The following LTBP1 variants were observed in gnomAD, a reference collection of about 807,000 sequenced individuals.
LTBP1 encodes the protein latent transforming growth factor beta binding protein 1.
In LTBP1, 129 loss-of-function variants were observed where a neutral mutation model predicts 207.6. That is an observed-to-expected ratio of 0.62 (90% CI 0.54 to 0.72). The LOEUF (loss-of-function observed/expected upper bound fraction) is 0.72. Among genes scored for constraint, LTBP1 ranks in the 30% least tolerant of loss-of-function variants. The pLI is 0.00. For synonymous variants in LTBP1, 963 were observed against 833.7 expected (o/e 1.16, Z -2.67); for missense variants, 2,281 against 2,217.2 (o/e 1.03, Z -0.58).
intron 4 of LTBP1, among the ~76,000 whole-genome samples, chr2:33,116,474 A>G (rs906127109): frequency 1.3e-5 from 2 of 152,244 alleles, no homozygotes; most frequent in African/African-American, 2.4e-5. Context: ...TCTTAAAAAA[A>G]TGTACCAATT....
chr2:33,357,189 C>T (rs532692057), intron 26 of LTBP1, among the ~76,000 whole-genome samples: 13 of 152,122 alleles, frequency 8.5e-5, no homozygotes, highest in Non-Finnish European at 1.8e-4. Flanking sequence ...AAGCAAATGG[C>T]CCACACCCTC....
chr2:33,170,221 G>A (rs113858037), intron 5 of LTBP1, among the ~76,000 whole-genome samples: 6 of 152,188 alleles, frequency 3.9e-5, no homozygotes, highest in South Asian at 2.1e-4. Flanking sequence ...CTCGGGAAGC[G>A]CAAGGGGTCA....
intron 10 of LTBP1, among the ~76,000 whole-genome samples, chr2:33,251,833 C>T (rs897833424): frequency 2.0e-5 from 3 of 152,052 alleles, no homozygotes; most frequent in Non-Finnish European, 1.5e-5. Context: ...TGACCTGGAC[C>T]TGGTTCTGTA....
chr2:33,181,243 C>T (rs1005792670), intron 5 of LTBP1, among the ~76,000 whole-genome samples: 3 of 152,120 alleles, frequency 2.0e-5, no homozygotes, highest in African/African-American at 7.2e-5. Context: ...CAGGGTCTGC[C>T]TTTTTATGGT....
chr2:33,224,817 C>T (rs79937228), intron 9 of LTBP1, among the ~76,000 whole-genome samples: 4,890 of 152,190 alleles, frequency 0.032, 103 homozygotes, highest in Non-Finnish European at 0.05. Context: ...TTGAATTAGG[C>T]TTGCCAGTGG....
intron 18 of LTBP1, among the ~76,000 whole-genome samples, chr2:33,278,616 T>G (rs2093495326): frequency 6.6e-6 from 1 of 152,208 alleles, no homozygotes; most frequent in Non-Finnish European, 1.5e-5. Context: ...TGAGAGCAGG[T>G]AGAAATTCAG....
rs910711706 is a variant in LTBP1, at chr2:33,274,812, C to T, written c.2744-153C>T. Among the ~76,000 whole-genome samples the T allele has an allele frequency of 3.9e-5, 6 of 152,154 alleles. 1 individual carries two copies. Among genetic ancestry groups the T allele is most frequent in the East Asian group, 3.9e-4 (2 of 5,194 alleles). ...TCTTCCAGGAACAATCCTTCAAGTA[C>T]GCGAGGAGAAAGATCGTGTCTCCTT... On this transcript the variant is annotated intron_variant, in intron 16 of 33. Coordinates refer to ENST00000404816, the MANE Select transcript of LTBP1 (RefSeq NM_206943.4).
intron 10 of LTBP1, among the ~76,000 whole-genome samples, chr2:33,248,013 A>G (rs2092565035): frequency 6.6e-6 from 1 of 152,190 alleles, no homozygotes; most frequent in Non-Finnish European, 1.5e-5. Context: ...TCAAAGGATG[A>G]CATTTAGTCT....
At chr2:33,255,478 C>G (rs907130654) in intron 11 of LTBP1, among the ~76,000 whole-genome samples, 1 of 152,260 alleles carries the variant, frequency 6.6e-6, no homozygotes, top group South Asian at 2.1e-4. Flanking sequence ...CATCCCATTA[C>G]TGGATATATA....
intron 2 of LTBP1, among the ~76,000 whole-genome samples, chr2:32,971,036 GTGTGTGTC>G (rs1466618102): frequency 1.9e-4 from 28 of 149,500 alleles, no homozygotes; most frequent in Middle Eastern, 3.4e-3. Context: ...GTGTGTGTGT[GTGTGTGTC>G]TGTCTGTCTT....
rs751149509 is a variant in LTBP1 at position 33,275,896 on chromosome 2, C to T, written c.2965C>T (p.Arg989Cys). The T allele has an allele frequency of 1.1e-5, 18 of 1,603,650 alleles. No individual in the cohort carries two copies. In the South Asian group the frequency reaches 1.1e-4, roughly 10 times the overall value. ...GTGTGAATACTGTGACAGCGGGTAC[C>T]GCATGACTCAGAGAGGCCGTTGTGA... ...FRCEYCDSGY[R>C]MTQRGRCEDI... The change falls in exon 18 of 34, where the codon CGC becomes TGC. Residue 989 changes from arginine (R) to cysteine (C), a missense_variant. Physicochemically the swap from Arg to Cys is radical, Grantham distance 180. Around this residue, in one of 3 missense-constraint regions of LTBP1, gnomAD observed 1,671 missense variants for 1,634.8 expected, o/e 1.02. Transcript: ENST00000404816.
rs114398190 is a variant in LTBP1, at chr2:33,290,217, C to G, written c.3113-2943C>G. On this transcript the variant is annotated intron_variant, in intron 19 of 33. Transcript: ENST00000404816. ...TCTCGAGAGAAAGACATTCATCTAT[C>G]TTAATGAACTAATCACCTCTTAAAA... Among the ~76,000 whole-genome samples the G allele has an allele frequency of 9.6e-3, 1,470 of 152,360 alleles. 29 individuals carry two copies. Among genetic ancestry groups the G allele is most frequent in the African/African-American group, 0.034 (1,398 of 41,580 alleles).
At chr2:33,266,537 G>A (rs1055236751) in intron 15 of LTBP1, among the ~76,000 whole-genome samples, 1 of 152,076 alleles carries the variant, frequency 6.6e-6, no homozygotes, top group African/African-American at 2.4e-5. Context: ...TAACAGTTTG[G>A]CCAATCAGAT....
intron 32 of LTBP1, among the ~76,000 whole-genome samples, chr2:33,391,937 A>T (rs1000577034): frequency 1.3e-5 from 2 of 152,180 alleles, no homozygotes; most frequent in Non-Finnish European, 2.9e-5. Context: ...TACATTTCTT[A>T]CAAGTTGCAG....
intron 10 of LTBP1, among the ~76,000 whole-genome samples, chr2:33,246,552 G>A (rs2092519628): frequency 6.6e-6 from 1 of 152,104 alleles, no homozygotes; most frequent in Non-Finnish European, 1.5e-5. Flanking sequence ...TGGAGAGAGA[G>A]AAAACCAGCC....
At chr2:33,008,626 C>T (rs1258926569) in intron 2 of LTBP1, among the ~76,000 whole-genome samples, 1 of 152,224 alleles carries the variant, frequency 6.6e-6, no homozygotes, top group Non-Finnish European at 1.5e-5. Flanking sequence ...AACTGATTAT[C>T]TTCTAGGCGC....
chr2:33,082,485 G>A (rs2078494104), intron 3 of LTBP1, among the ~76,000 whole-genome samples: 1 of 125,812 alleles, frequency 7.9e-6, no homozygotes. Flanking sequence ...GTCTCGCTCT[G>A]TTGCCCAGGC....
At chr2:33,325,501 T>C (rs2094415261) in intron 24 of LTBP1, among the ~76,000 whole-genome samples, 1 of 152,190 alleles carries the variant, frequency 6.6e-6, no homozygotes, top group Admixed American at 6.6e-5. Context: ...GCGTACAGCA[T>C]GGATCTAAAT....
intron 2 of LTBP1, among the ~76,000 whole-genome samples, chr2:32,949,336 C>T (rs1676756061): frequency 6.6e-6 from 1 of 152,152 alleles, no homozygotes; most frequent in Admixed American, 6.5e-5. Context: ...GCAGGAGGGG[C>T]TTGGGGAGTA....
Sources: gnomAD v4.1 joint callset for allele counts (sites outside exome capture counted in the v4.1 genomes callset) on GRCh38, gnomAD v4.1.1 for gene constraint, gnomAD v4.1.1 regional missense constraint, MANE v1.5 for transcripts, NCBI Gene and HGNC (gene_info 2026-07-23, HGNC 2026-07-21) for gene names.